The following SCN9A variants were observed in gnomAD, a reference collection of about 807,000 sequenced individuals.
SCN9A encodes sodium voltage-gated channel alpha subunit 9, also known as sodium channel protein type 9 subunit alpha.
SCN9A carries 131 observed loss-of-function variants against 187.0 expected under a neutral mutation model. The observed-to-expected ratio is 0.70, with a 90% CI of 0.61 to 0.81. The LOEUF (loss-of-function observed/expected upper bound fraction) is 0.81. Among genes scored for constraint, SCN9A ranks in the 30% least tolerant of loss-of-function variants. The probability of loss-of-function intolerance (pLI) is 0.00; values close to 1 mark genes in which losing one functional copy is unlikely to be tolerated. For missense variants in SCN9A, 2,252 were observed against 2,396.6 expected (o/e 0.94, Z 1.26); for synonymous variants, 809 against 808.6 (o/e 1.00, Z -0.01).
At chr2:166,356,816 G>C (rs1268764519) in intron 1 of SCN9A, among the ~76,000 whole-genome samples, 1 of 152,066 alleles carries the variant, frequency 6.6e-6, no homozygotes, top group Admixed American at 6.6e-5. Flanking sequence ...TTTTATAGCA[G>C]CTTCATAAAG....
At chr2:166,368,304 G>C (rs1700466548) in intron 1 of SCN9A, among the ~76,000 whole-genome samples, 1 of 152,190 alleles carries the variant, frequency 6.6e-6, no homozygotes, top group African/African-American at 2.4e-5. Flanking sequence ...ATGTTAGCAA[G>C]ATGTAAACTT....
At position 166,286,612 on chromosome 2, in the gene SCN9A, C is replaced by G; in HGVS notation, c.1326G>C (p.Ala442=). 6.5e-7 allele frequency: 1 copy of G among 1,548,658 alleles called. No individual in the cohort carries two copies. Among genetic ancestry groups the G allele is most frequent in the Non-Finnish European group, 8.7e-7 (1 of 1,152,486 alleles). ...KEQEEAEAIA[A]AAAEYTSIRR... ...TAATACTTGTATATTCAGCCGCTGCCGCTGCAATTGCCTGGTTGGGCCAAG... is the reference window on the plus strand; with the variant it reads ...TAATACTTGTATATTCAGCCGCTGCGGCTGCAATTGCCTGGTTGGGCCAAG... The change falls in exon 11 of 27, where the codon GCG becomes GCC. Residue 442 remains alanine (A), a synonymous_variant. Transcript: ENST00000642356.
chr2:166,328,581 T>A (rs1198259579), intron 1 of SCN9A, among the ~76,000 whole-genome samples: 1 of 152,116 alleles, frequency 6.6e-6, no homozygotes, highest in Non-Finnish European at 1.5e-5. Flanking sequence ...AAACTCAAGT[T>A]GAGAGAATTA....
chr2:166,213,458 C>CTAA (rs1365677237), intron 24 of SCN9A, among the ~76,000 whole-genome samples: 12 of 86,254 alleles, frequency 1.4e-4, no homozygotes, highest in African/African-American at 3.8e-4. Flanking sequence ...ACAAATTGAA[C>CTAA]CAATAATAAT....
At chr2:166,349,710 C>T (rs557188530) in intron 1 of SCN9A, among the ~76,000 whole-genome samples, 24 of 152,232 alleles carry the variant, frequency 1.6e-4, no homozygotes, top group African/African-American at 5.3e-4. Context: ...TGGTGGCTCA[C>T]GCCTGTAATC....
At chr2:166,340,620 C>CTTTTT (rs1553502822) in intron 1 of SCN9A, among the ~76,000 whole-genome samples, 20 of 45,014 alleles carry the variant, frequency 4.4e-4, no homozygotes, top group African/African-American at 1.6e-3. Context: ...TTCTTTCTTT[C>CTTTTT]CTTTCTCTTC....
intron 1 of SCN9A, among the ~76,000 whole-genome samples, chr2:166,321,192 T>G (rs1699228290): frequency 2.0e-5 from 3 of 152,146 alleles, no homozygotes; most frequent in Admixed American, 2.0e-4. Context: ...ACTTTAAAGT[T>G]AACTATTTTA....
chr2:166,204,587 A>G (rs1204253068), intron 24 of SCN9A, 123 bp from the exon 25 acceptor site: 5 of 532,816 alleles, frequency 9.4e-6, no homozygotes, highest in Non-Finnish European at 1.6e-5. Context: ...TATTATGTTC[A>G]TGATAGCTAT....
chr2:166,331,771 A>G (rs142140153), intron 1 of SCN9A, among the ~76,000 whole-genome samples: 3 of 152,290 alleles, frequency 2.0e-5, no homozygotes, highest in Non-Finnish European at 2.9e-5. Flanking sequence ...CAATGTTAAT[A>G]TAATTTCTGT....
At chr2:166,339,936 T>TA (rs1559050331) in intron 1 of SCN9A, among the ~76,000 whole-genome samples, 3 of 152,184 alleles carry the variant, frequency 2.0e-5, no homozygotes, top group Admixed American at 2.0e-4. Context: ...ACCACTCTTG[T>TA]ATGAACCTGA....
chr2:166,243,147 T>C (rs894774895), intron 18 of SCN9A, among the ~76,000 whole-genome samples: 1 of 152,274 alleles, frequency 6.6e-6, no homozygotes, highest in Non-Finnish European at 1.5e-5. Flanking sequence ...AAGAAACTCA[T>C]CTTGATTAGA....
At chr2:166,290,094 G>C (rs1317837303) in intron 9 of SCN9A, among the ~76,000 whole-genome samples, 4 of 151,680 alleles carry the variant, frequency 2.6e-5, no homozygotes, top group Non-Finnish European at 5.9e-5. Flanking sequence ...AGGCCCCGGT[G>C]TGTGTTGTTC....
At chr2:166,353,818 C>A (rs1337327930) in intron 1 of SCN9A, among the ~76,000 whole-genome samples, 2 of 152,150 alleles carry the variant, frequency 1.3e-5, no homozygotes, top group Non-Finnish European at 2.9e-5. Context: ...TTTCATCACG[C>A]CTGTCTCCTT....
At chr2:166,271,198 G>A (rs1464177127) in intron 17 of SCN9A, among the ~76,000 whole-genome samples, 2 of 118,214 alleles carry the variant, frequency 1.7e-5, no homozygotes, top group East Asian at 2.2e-4. Context: ...AATTGTTTGC[G>A]GTTCAAAAAT....
chr2:166,306,556 T>C lies in SCN9A; in HGVS notation c.421A>G (p.Ile141Val), dbSNP rs1205527207. The change falls in exon 4 of 27, where the codon ATA becomes GTA. Residue 141 changes from isoleucine (I) to valine (V), a missense_variant. Transcript: ENST00000642356. ...LIMCTILTNC[I>V]FMTMNNPPDW... ...GGTGGGTTATTCATGGTCATAAATA[T>C]GCAGTTTGTCAGAATAGTGCACATG... 3.8e-6 allele frequency: 6 copies of C among 1,584,288 alleles called. No homozygotes were observed. Among genetic ancestry groups the C allele is most frequent in the Non-Finnish European group, 4.3e-6 (5 of 1,162,846 alleles).
chr2:166,211,902 A>C (rs1333854107), intron 24 of SCN9A, among the ~76,000 whole-genome samples: 2 of 152,184 alleles, frequency 1.3e-5, no homozygotes, highest in Non-Finnish European at 2.9e-5. Context: ...ACAAAAAGGC[A>C]ATAGTAAGTC....
intron 1 of SCN9A, among the ~76,000 whole-genome samples, chr2:166,341,164 T>G (rs896858493): frequency 6.6e-6 from 1 of 152,186 alleles, no homozygotes; most frequent in Non-Finnish European, 1.5e-5. Flanking sequence ...CTATCATGTA[T>G]GTAATAGAGT....
At position 166,213,496 on chromosome 2, in the gene SCN9A, G is replaced by A. The variant is rs368613444; in HGVS notation, c.4399-9032C>T. 8.2e-3 allele frequency among the ~76,000 whole-genome samples: 787 copies of A among 96,238 alleles called. 10 individuals are homozygous for A. Among genetic ancestry groups the A allele is most frequent in the African/African-American group, 0.025 (694 of 27,390 alleles). The allele number at this position is 96,238 out of a possible 152,430, so 63.1% of individuals were successfully genotyped here. On this transcript the variant is annotated intron_variant, in intron 24 of 26. Transcript: ENST00000642356. Reference sequence around the variant, plus strand: ...TAATAATAATAATAATAATAATAATGATAATGATAGTAACTCCCAAAAAAG... The same window carrying A: ...TAATAATAATAATAATAATAATAATAATAATGATAGTAACTCCCAAAAAAG...
chr2:166,223,522 G>A (rs1467597261), intron 24 of SCN9A, among the ~76,000 whole-genome samples: 2 of 152,174 alleles, frequency 1.3e-5, no homozygotes, highest in African/African-American at 4.8e-5. Context: ...TAACTAAAAT[G>A]GTCAAACTCA....
Sources: gnomAD v4.1 joint callset for allele counts (sites outside exome capture counted in the v4.1 genomes callset) on GRCh38, gnomAD v4.1.1 for gene constraint, MANE v1.5 for transcripts, NCBI Gene and HGNC (gene_info 2026-07-23, HGNC 2026-07-21) for gene names.